The following SLC29A3 variants were observed in gnomAD, a reference collection of about 807,000 sequenced individuals.
The protein encoded by SLC29A3 is equilibrative nucleoside transporter 3.
SLC29A3 carries 18 observed loss-of-function variants against 25.4 expected under a neutral mutation model. The ratio of observed to expected loss-of-function variants is 0.71; its 90% CI spans 0.49 to 1.05. The LOEUF is 1.05. SLC29A3 is among the 50% of genes least tolerant of loss of function. The pLI is 0.00. For synonymous variants in SLC29A3, 258 were observed against 267.1 expected, an observed-to-expected ratio of 0.97 and a Z score of 0.33; for missense variants, 586 against 609.0, an observed-to-expected ratio of 0.96 and a Z score of 0.40.
intron 3 of SLC29A3, among the ~76,000 whole-genome samples, chr10:71,347,075 T>A (rs1312507802): frequency 1.3e-5 from 2 of 152,198 alleles, no homozygotes; most frequent in Non-Finnish European, 2.9e-5. Flanking sequence ...CTCTGAGGCC[T>A]CCATCTGTTT....
intron 2 of SLC29A3, among the ~76,000 whole-genome samples, chr10:71,343,609 A>G (rs532016115): frequency 6.6e-6 from 1 of 152,272 alleles, no homozygotes; most frequent in Admixed American, 6.5e-5. Context: ...CCTCTTGTAT[A>G]TCTAAGAGGT....
chr10:71,349,287 G>C (rs1208369606), intron 3 of SLC29A3, among the ~76,000 whole-genome samples: 1 of 152,122 alleles, frequency 6.6e-6, no homozygotes, highest in Non-Finnish European at 1.5e-5. Flanking sequence ...GGCATCTTTG[G>C]ATCTAGGGGA....
intron 2 of SLC29A3, among the ~76,000 whole-genome samples, chr10:71,328,663 A>T (rs1424794187): frequency 1.3e-5 from 2 of 152,232 alleles, no homozygotes; most frequent in Admixed American, 6.5e-5. Flanking sequence ...TGAGAAGGAA[A>T]GCTCCACAAC....
At chr10:71,377,553 G>A (rs974807318) in intron 4 of SLC29A3, among the ~76,000 whole-genome samples, 1 of 152,188 alleles carries the variant, frequency 6.6e-6, no homozygotes, top group Non-Finnish European at 1.5e-5. Context: ...GGGGGCCGTC[G>A]GTAGTTACCC....
At position 71,350,449 on chromosome 10, in the gene SLC29A3, AC is replaced by A. The variant is rs373222643; in HGVS notation, c.384-1112del. 1.4e-3 allele frequency among the ~76,000 whole-genome samples: 213 copies of A among 152,108 alleles called. 1 individual carries two copies. The highest frequency in any genetic ancestry group is 4.9e-3 in the African/African-American group (202 of 41,488). On this transcript the variant is annotated intron_variant, in intron 3 of 5. Coordinates refer to ENST00000373189, the MANE Select transcript of SLC29A3 (RefSeq NM_018344.6). The stretch of plus-strand genomic sequence containing the variant: ...CTCCCACTGGTTAGCAGGAAAATTA[AC>A]TACACATCCAATCCGGTTTAAAGCT...
downstream of SLC29A3, chr10:71,363,462 T>A (rs1019419673): frequency 6.5e-5 from 26 of 400,572 alleles, no homozygotes; most frequent in Admixed American, 3.5e-4. Context: ...GAGGATTTTT[T>A]AAAATTTATT....
chr10:71,338,331 CT>C (rs1336618623), intron 2 of SLC29A3, among the ~76,000 whole-genome samples: 1 of 152,200 alleles, frequency 6.6e-6, no homozygotes, highest in Non-Finnish European at 1.5e-5. Context: ...TTTTTCTTTT[CT>C]TTTCTTTTTA....
chr10:71,332,375 C>T (rs1024593049), intron 2 of SLC29A3, among the ~76,000 whole-genome samples: 1 of 151,962 alleles, frequency 6.6e-6, no homozygotes, highest in African/African-American at 2.4e-5. Context: ...GTCTTGAACT[C>T]CTGACCTCAA....
chr10:71,323,165 C>A, intron 2 of SLC29A3, 111 bp downstream of exon 2: 2 of 1,404,472 alleles, frequency 1.4e-6, no homozygotes, highest in Non-Finnish European at 2.0e-6. Flanking sequence ...AGATCACTTA[C>A]TGTTTAGCTT....
chr10:71,349,798 A>G (rs969668267), intron 3 of SLC29A3, among the ~76,000 whole-genome samples: 2 of 152,092 alleles, frequency 1.3e-5, no homozygotes, highest in African/African-American at 2.4e-5. Context: ...TCTCTCTCCC[A>G]AGACACATGC....
In SLC29A3 at chr10:71,351,571, C is replaced by T; in HGVS notation, c.393C>T (p.Val131=). ...ANFLLVNRVA[V]HIRVLASLTV... Reference sequence around the variant, plus strand: ...GGCATCCTCGCCCCAGGGTTGCAGTCCACATCCGTGTCCTGGCCTCACTGA... The same window carrying T: ...GGCATCCTCGCCCCAGGGTTGCAGTTCACATCCGTGTCCTGGCCTCACTGA... Residue 131 remains valine, a synonymous_variant, in exon 4 of 6, where the codon GTC becomes GTT. Coordinates refer to ENST00000373189, the MANE Select transcript of SLC29A3 (RefSeq NM_018344.6). 1 of 1,614,206 alleles carries T rather than the reference C, an allele frequency of 6.2e-7. No homozygotes were observed. The highest frequency in any genetic ancestry group is 1.3e-5 in the African/African-American group (1 of 75,074).
chr10:71,367,767 C>T (rs139224566), downstream of SLC29A3, among the ~76,000 whole-genome samples: 13 of 152,270 alleles, frequency 8.5e-5, no homozygotes, highest in East Asian at 1.9e-4. Context: ...AGAACAGTTC[C>T]GGTGCTTGAC....
In SLC29A3 at chr10:71,362,076, G is replaced by T. The variant is rs371038814; in HGVS notation, c.896G>T (p.Arg299Leu). The T allele has an allele frequency of 1.9e-6, 3 of 1,613,688 alleles. No individual in the cohort carries two copies. Among genetic ancestry groups the T allele is most frequent in the Admixed American group, 1.7e-5 (1 of 59,968 alleles). ...ATTGATTCCCACACACCCCCTCTCC[G>T]CCCCATCCTGAAGAAGACGGCCAGC... ...RFIDSHTPPL[R>L]PILKKTASLG... The change falls in exon 6 of 6, where the codon CGC (arginine) becomes CTC (leucine). Residue 299 changes from arginine (R) to leucine (L), a missense_variant. Physicochemically the swap from Arg to Leu is moderately radical, Grantham distance 102. Coordinates refer to ENST00000373189, the MANE Select transcript of SLC29A3 (RefSeq NM_018344.6).
At chr10:71,346,688 A>G (rs112370007) in intron 3 of SLC29A3, among the ~76,000 whole-genome samples, 2,055 of 152,218 alleles carry the variant, frequency 0.014, 51 homozygotes, top group African/African-American at 0.047. Context: ...CTTGGCTAGA[A>G]TGAAAGGGAG....
chr10:71,324,498 C>G (rs959742407), intron 2 of SLC29A3, among the ~76,000 whole-genome samples: 5 of 152,288 alleles, frequency 3.3e-5, no homozygotes. Context: ...TCTGGCTCAA[C>G]TGGCCCAACA....
intron 4 of SLC29A3, among the ~76,000 whole-genome samples, chr10:71,379,095 C>T (rs1448976278): frequency 2.0e-5 from 3 of 152,186 alleles, no homozygotes; most frequent in Admixed American, 1.3e-4. Flanking sequence ...ATGTTGCCCC[C>T]CAACGGGGAA....
chr10:71,370,269 GAC>G (rs1847201464), intron 3 of SLC29A3, among the ~76,000 whole-genome samples: 1 of 152,198 alleles, frequency 6.6e-6, no homozygotes, highest in African/African-American at 2.4e-5. Context: ...CACCTTCGCA[GAC>G]ACAGAGAAGA....
chr10:71,362,791 A>C lies in SLC29A3; in HGVS notation c.*183A>C. ...CGTCCATGCCCATTCCGTGCAAGGC[A>C]GATATTCCAGTCATATTAACAGAAC... On this transcript the variant is annotated 3_prime_UTR_variant, in exon 6 of 6. Transcript: ENST00000373189. 1 of 748,478 alleles carries C rather than the reference A, an allele frequency of 1.3e-6. No homozygotes were observed. Among genetic ancestry groups the C allele is most frequent in the Middle Eastern group, 3.5e-4 (1 of 2,864 alleles). 46.4% of individuals were successfully genotyped at this position (748,478 alleles called of 1,614,324 possible). A position where few individuals can be genotyped will look rare whatever the true frequency, so the allele number is the denominator to read the frequency against.
At chr10:71,376,986 G>A (rs1847257067) in intron 4 of SLC29A3, among the ~76,000 whole-genome samples, 1 of 151,932 alleles carries the variant, frequency 6.6e-6, no homozygotes. Context: ...ATGTTGCCCA[G>A]GCTGGTCTCG....
Sources: gnomAD v4.1 joint callset for allele counts (sites outside exome capture counted in the v4.1 genomes callset) on GRCh38, gnomAD v4.1.1 for gene constraint, MANE v1.5 for transcripts, NCBI Gene and HGNC (gene_info 2026-07-23, HGNC 2026-07-21) for gene names.